RTF1: variants seen among roughly 807,000 people sequenced by gnomAD.
The protein encoded by RTF1 is RTF1 homolog, Paf1/RNA polymerase II complex component.
Under a neutral mutation model 95.7 loss-of-function variants are expected in RTF1, and 10 were observed. The ratio of observed to expected loss-of-function variants is 0.10; its 90% confidence interval spans 0.06 to 0.18. The LOEUF (loss-of-function observed/expected upper bound fraction) is 0.18. RTF1 is among the 10% of genes least tolerant of loss of function. The pLI is 1.00. For synonymous variants in RTF1, 305 were observed against 311.8 expected (o/e 0.98, Z 0.23); for missense variants, 458 against 875.6 (o/e 0.52, Z 6.02).
chr15:41,462,441 G>A (rs1160058592), intron 4 of RTF1, among the ~76,000 whole-genome samples: 4 of 152,064 alleles, frequency 2.6e-5, no homozygotes, highest in Non-Finnish European at 4.4e-5. Context: ...AGGGGTGATC[G>A]GAGTTAAATC....
intron 6 of RTF1, among the ~76,000 whole-genome samples, chr15:41,469,981 T>C (rs2050901681): frequency 6.6e-6 from 1 of 152,198 alleles, no homozygotes; most frequent in Non-Finnish European, 1.5e-5. Context: ...TTGAGTGCCA[T>C]AAAAGAGAAC....
chr15:41,477,446 C>T lies in RTF1; in HGVS notation c.1683-12C>T, dbSNP rs2050947569. The stretch of plus-strand genomic sequence containing the variant: ...GTTTCACAGCCACTGACTCATCCCT[C>T]TTACCCCACAGTTACATCAACCAGC... On this transcript the variant is annotated splice_polypyrimidine_tract_variant and intron_variant, in intron 13 of 17. Coordinates refer to ENST00000389629, the MANE Select transcript of RTF1 (RefSeq NM_015138.5). 3.1e-6 allele frequency: 5 copies of T among 1,614,082 alleles called. No homozygotes were observed. The Admixed American group carries it at 6.7e-5, about 22-fold the overall frequency.
At position 41,443,598 on chromosome 15, in the gene RTF1, G is replaced by T. The variant is rs112202149; in HGVS notation, c.309+5167G>T. On this transcript the variant is annotated intron_variant, in intron 2 of 17. Transcript: ENST00000389629. Reference sequence around the variant, plus strand: ...CTAGCAGCCATTCAATCATGAGTTGGGGTTAAAAAAAAAAACGGCCAGCAG... The same window carrying T: ...CTAGCAGCCATTCAATCATGAGTTGTGGTTAAAAAAAAAAACGGCCAGCAG... Among the ~76,000 whole-genome samples, 50 of 131,218 alleles carry T rather than the reference G, an allele frequency of 3.8e-4. 1 individual carries two copies. Among genetic ancestry groups the T allele is most frequent in the Admixed American group, 7.4e-4 (10 of 13,514 alleles). The allele number at this position is 131,218 out of a possible 152,430, so 86.1% of individuals were successfully genotyped here.
At chr15:41,466,042 T>C (rs2050878779) in intron 5 of RTF1, 99 bp from the exon 6 acceptor site, 2 of 726,370 alleles carry the variant, frequency 2.8e-6, no homozygotes, top group South Asian at 4.7e-5. Context: ...TTGCAGCCCA[T>C]ATAGATTGAT....
At chr15:41,452,326 C>G (rs1251216026) in intron 2 of RTF1, among the ~76,000 whole-genome samples, 1 of 151,944 alleles carries the variant, frequency 6.6e-6, no homozygotes, top group Admixed American at 6.6e-5. Context: ...GTCCCAACTA[C>G]TTGGGAGGCT....
At chr15:41,419,709 A>G (rs1047067302) in intron 1 of RTF1, among the ~76,000 whole-genome samples, 3 of 152,218 alleles carry the variant, frequency 2.0e-5, no homozygotes, top group African/African-American at 7.2e-5. Context: ...GTAGTTTCCC[A>G]CAGAATTCTG....
chr15:41,434,144 C>CT (rs58239721), intron 1 of RTF1, among the ~76,000 whole-genome samples: 3,838 of 136,190 alleles, frequency 0.028, 58 homozygotes, highest in Middle Eastern at 0.093. Flanking sequence ...CACGCCTGGC[C>CT]TTTTTTTTTT....
chr15:41,476,260 G>T (rs976132310), intron 11 of RTF1, among the ~76,000 whole-genome samples, 186 bp from the exon 12 acceptor site: 1 of 152,144 alleles, frequency 6.6e-6, no homozygotes, highest in African/African-American at 2.4e-5. Context: ...AAGAATCTCC[G>T]TGACCCAGGA....
chr15:41,417,929 CA>C lies in RTF1; in HGVS notation c.198+623del, dbSNP rs1163063321. On this transcript the variant is annotated intron_variant, in intron 1 of 17. Transcript: ENST00000389629. ...AGGGCCCTTGTTGAGGTGTCAGACC[CA>C]AAAAAACACTCTTGGGTGGAGGAAA... Among the ~76,000 whole-genome samples, 3 of 151,696 alleles carry C rather than the reference CA, an allele frequency of 2.0e-5. No individual in the cohort carries two copies. The East Asian group carries it at 5.8e-4, about 29-fold the overall frequency.
intron 6 of RTF1, among the ~76,000 whole-genome samples, chr15:41,469,949 T>A (rs931767285): frequency 6.6e-6 from 1 of 152,190 alleles, no homozygotes; most frequent in Non-Finnish European, 1.5e-5. Flanking sequence ...TTCCCCCTCT[T>A]TCCTCCCCAT....
chr15:41,480,093 G>T, intron 16 of RTF1, 121 bp from the exon 17 acceptor site: 1 of 647,490 alleles, frequency 1.5e-6, no homozygotes, highest in South Asian at 1.9e-5. Context: ...GAATCAGAAA[G>T]GGGCCTTAGT....
At chr15:41,475,222 T>C (rs2050936505) in intron 9 of RTF1, among the ~76,000 whole-genome samples, 1 of 152,238 alleles carries the variant, frequency 6.6e-6, no homozygotes, top group Non-Finnish European at 1.5e-5. Context: ...CCTGAGGAGC[T>C]GTGACCACAG....
chr15:41,447,168 A>G (rs2050768032), intron 2 of RTF1, among the ~76,000 whole-genome samples: 1 of 152,188 alleles, frequency 6.6e-6, no homozygotes, highest in South Asian at 2.1e-4. Context: ...TTCAGTTCAG[A>G]GTCACTGGGT....
At chr15:41,429,803 C>A (rs1209302958) in intron 1 of RTF1, among the ~76,000 whole-genome samples, 1 of 151,954 alleles carries the variant, frequency 6.6e-6, no homozygotes, top group Non-Finnish European at 1.5e-5. Flanking sequence ...AGAAGCCTCT[C>A]TAACCACCCT....
At chr15:41,476,213 G>A (rs946041881) in intron 11 of RTF1, among the ~76,000 whole-genome samples, 1 of 152,118 alleles carries the variant, frequency 6.6e-6, no homozygotes, top group African/African-American at 2.4e-5. Context: ...CCCTTGGGCT[G>A]CTGTTTCTTG....
rs559965601 is a variant in RTF1, at chr15:41,465,809, T to G, written c.778-332T>G. ...TCTCTGTATTTATCATAAATGAGAC[T>G]CCATCTCAGAAAAACAACAAAAAAA... On this transcript the variant is annotated intron_variant, in intron 5 of 17. Transcript: ENST00000389629. 1.2e-4 allele frequency among the ~76,000 whole-genome samples: 19 copies of G among 152,272 alleles called. No homozygotes were observed. The South Asian group carries it at 3.5e-3, about 28-fold the overall frequency.
In RTF1 at chr15:41,478,641, G is replaced by C. The variant is rs756957893; in HGVS notation, c.1818+16G>C. 1.9e-6 allele frequency: 3 copies of C among 1,598,122 alleles called. No individual in the cohort carries two copies. The highest frequency in any genetic ancestry group is 2.6e-6 in the Non-Finnish European group (3 of 1,165,694). ...CGTTTCTAATGTGAGTGCTGAAAGA[G>C]GACATTTTAGTCAGGACCTAGATTC... On this transcript the variant is annotated intron_variant, in intron 15 of 17. Coordinates refer to ENST00000389629, the MANE Select transcript of RTF1 (RefSeq NM_015138.5).
intron 6 of RTF1, among the ~76,000 whole-genome samples, chr15:41,468,591 A>G (rs901991538): frequency 6.6e-6 from 1 of 152,202 alleles, no homozygotes; most frequent in African/African-American, 2.4e-5. Context: ...TGCTGGGATT[A>G]CAGGTGTGAG....
intron 1 of RTF1, among the ~76,000 whole-genome samples, chr15:41,423,419 C>T (rs886108387): frequency 1.3e-5 from 2 of 150,498 alleles, no homozygotes; most frequent in African/African-American, 4.9e-5. Context: ...GTCACCCAGG[C>T]TGGAGAGCAA....
Sources: gnomAD v4.1 joint callset for allele counts (sites outside exome capture counted in the v4.1 genomes callset) on GRCh38, gnomAD v4.1.1 for gene constraint, MANE v1.5 for transcripts, NCBI Gene and HGNC (gene_info 2026-07-23, HGNC 2026-07-21) for gene names.